Variants in IGF2BP2 observed in about 807,000 individuals in gnomAD.
The protein encoded by IGF2BP2 is insulin-like growth factor 2 mRNA-binding protein 2.
Under a neutral mutation model 75.8 loss-of-function variants are expected in IGF2BP2, and 17 were observed. The observed-to-expected ratio is 0.22, with a 90% CI of 0.15 to 0.34. The LOEUF (loss-of-function observed/expected upper bound fraction) is 0.34. IGF2BP2 is among the 10% of genes least tolerant of loss of function. IGF2BP2 has a pLI of 1.00. For missense variants in IGF2BP2, 516 were observed against 772.4 expected, an observed-to-expected ratio of 0.67 and a Z score of 3.93; for synonymous variants, 288 against 295.6, an observed-to-expected ratio of 0.97 and a Z score of 0.26.
At chr3:185,668,089 C>T (rs1717922340) in intron 10 of IGF2BP2, among the ~76,000 whole-genome samples, 1 of 152,126 alleles carries the variant, frequency 6.6e-6, no homozygotes, top group African/African-American at 2.4e-5. Context: ...ATATAATCCA[C>T]AATATCTTCA....
intron 2 of IGF2BP2, among the ~76,000 whole-genome samples, chr3:185,713,974 T>TA (rs1293223235): frequency 1.3e-5 from 2 of 152,244 alleles, no homozygotes; most frequent in Non-Finnish European, 2.9e-5. Context: ...GTGCTGGGAT[T>TA]ACAGGCGTGA....
chr3:185,678,061 GT>G (rs1719822725), intron 7 of IGF2BP2, among the ~76,000 whole-genome samples: 1 of 152,112 alleles, frequency 6.6e-6, no homozygotes, highest in East Asian at 1.9e-4. Context: ...TGGCTGAAAG[GT>G]TCCCAAATAT....
intron 2 of IGF2BP2, among the ~76,000 whole-genome samples, chr3:185,772,293 G>C (rs537751232): frequency 6.6e-6 from 1 of 152,266 alleles, no homozygotes; most frequent in Admixed American, 6.5e-5. Flanking sequence ...TTTCCCTACT[G>C]TAAGTTTTAT....
At chr3:185,763,443 T>G (rs1732643369) in intron 2 of IGF2BP2, among the ~76,000 whole-genome samples, 1 of 152,232 alleles carries the variant, frequency 6.6e-6, no homozygotes, top group South Asian at 2.1e-4. Context: ...AGCATTATAT[T>G]CATAATGTAA....
At chr3:185,696,432 G>C (rs1722588380) in intron 4 of IGF2BP2, 180 bp downstream of exon 4, 1 of 596,650 alleles carries the variant, frequency 1.7e-6, no homozygotes, top group Non-Finnish European at 2.9e-6. Flanking sequence ...TACATAGAAA[G>C]AGACAGATAT....
At chr3:185,682,868 T>C (rs1720588405) in intron 7 of IGF2BP2, among the ~76,000 whole-genome samples, 1 of 152,070 alleles carries the variant, frequency 6.6e-6, no homozygotes, top group African/African-American at 2.4e-5. Context: ...GCAACTGCTA[T>C]GGGAAAAAGT....
chr3:185,796,466 G>C (rs925433182), intron 2 of IGF2BP2, among the ~76,000 whole-genome samples: 1 of 151,576 alleles, frequency 6.6e-6, no homozygotes, highest in African/African-American at 2.4e-5. Flanking sequence ...AGGGGCCTGA[G>C]GTAGGAGAAT....
Position 185,672,565 on chromosome 3 carries a change from G to C in IGF2BP2, c.1176C>G (p.Pro392=). ...CAGTGAAGGGGTGGTAGGGGGCAGC[G>C]GGGGGAGCTCCGCGGGGCCCTGCTG... ...SPPAGPRGAP[P]AAPYHPFTTH... Residue 392 remains proline, a synonymous_variant, in exon 10 of 16, where the codon CCC becomes CCG. Coordinates refer to ENST00000382199, the MANE Select transcript of IGF2BP2 (RefSeq NM_006548.6). The C allele has an allele frequency of 1.2e-6, 2 of 1,612,084 alleles. No homozygotes were observed. Among genetic ancestry groups the C allele is most frequent in the Non-Finnish European group, 1.7e-6 (2 of 1,178,702 alleles).
Position 185,821,083 on chromosome 3 carries a change from T to G in IGF2BP2, c.239+2070A>C, listed in dbSNP as rs544377237. 2.6e-6 allele frequency: 4 copies of G among 1,535,068 alleles called. No individual in the cohort carries two copies. In the African/African-American group the frequency reaches 5.5e-5, roughly 21 times the overall value. ...ACATACAGCTGCTTCATCCCTGAAG[T>G]CTGATCTCAGTACACAATACCGGTC... On this transcript the variant is annotated intron_variant, in intron 2 of 15. Coordinates refer to ENST00000382199, the MANE Select transcript of IGF2BP2 (RefSeq NM_006548.6).
intron 2 of IGF2BP2, among the ~76,000 whole-genome samples, chr3:185,699,335 A>C (rs1261317341): frequency 6.6e-6 from 1 of 152,160 alleles, no homozygotes; most frequent in East Asian, 1.9e-4. Context: ...CCTGCAACTG[A>C]CCTGACCCCA....
chr3:185,669,756 C>T (rs532758799), intron 10 of IGF2BP2, among the ~76,000 whole-genome samples: 23 of 152,082 alleles, frequency 1.5e-4, no homozygotes, highest in Non-Finnish European at 2.9e-4. Flanking sequence ...TATCTTAGTT[C>T]CTTGAAATTT....
intron 2 of IGF2BP2, among the ~76,000 whole-genome samples, chr3:185,721,089 C>T (rs1216100416): frequency 6.6e-6 from 1 of 152,054 alleles, no homozygotes; most frequent in Non-Finnish European, 1.5e-5. Context: ...GTAAGAAGCC[C>T]CAGGCGTCTT....
intron 10 of IGF2BP2, among the ~76,000 whole-genome samples, chr3:185,661,480 T>C (rs1716424493): frequency 6.6e-6 from 1 of 151,360 alleles, no homozygotes; most frequent in East Asian, 1.9e-4. Flanking sequence ...CTAGCAAAAA[T>C]ACAAAAATTA....
intron 2 of IGF2BP2, among the ~76,000 whole-genome samples, chr3:185,798,379 C>T (rs1418430321): frequency 6.6e-6 from 1 of 152,150 alleles, no homozygotes; most frequent in Admixed American, 6.5e-5. Context: ...TTAGGCTATC[C>T]AGATCTTTCC....
chr3:185,661,973 G>C (rs953479136), intron 10 of IGF2BP2, among the ~76,000 whole-genome samples: 4 of 152,088 alleles, frequency 2.6e-5, no homozygotes, highest in African/African-American at 9.7e-5. Flanking sequence ...TTGGCCTACT[G>C]GAAAACAGAA....
At chr3:185,705,421 C>T (rs1723888634) in intron 2 of IGF2BP2, among the ~76,000 whole-genome samples, 1 of 152,156 alleles carries the variant, frequency 6.6e-6, no homozygotes, top group African/African-American at 2.4e-5. Context: ...GCCAGGAGAA[C>T]TGCAGTTATG....
At chr3:185,652,234 A>G (rs560012632) in intron 12 of IGF2BP2, 66 bp from the exon 13 acceptor site, 243 of 1,370,096 alleles carry the variant, frequency 1.8e-4, no homozygotes, top group Non-Finnish European at 2.1e-4. Flanking sequence ...TTTCTTGTCT[A>G]AGTGGACGGC....
rs1491135346 is a variant in IGF2BP2, at chr3:185,665,547, GAA to G, written c.1200+6992_1200+6993del. On this transcript the variant is annotated intron_variant, in intron 10 of 15. Transcript: ENST00000382199. ...AGGAGGAGGAGAAGGAGGAGGAGGA[GAA>G]GGAGGAGGAGAAGGAGAAGGAGAAG... 1.2e-3 allele frequency among the ~76,000 whole-genome samples: 166 copies of G among 143,590 alleles called. 2 individuals are homozygous for G. Among genetic ancestry groups the G allele is most frequent in the African/African-American group, 4.0e-3 (156 of 39,374 alleles). The allele number at this position is 143,590 out of a possible 152,430, so 94.2% of individuals were successfully genotyped here. A position where few individuals can be genotyped will look rare whatever the true frequency, so the allele number is the denominator to read the frequency against.
At chr3:185,798,144 T>G (rs1737690029) in intron 2 of IGF2BP2, among the ~76,000 whole-genome samples, 1 of 151,968 alleles carries the variant, frequency 6.6e-6, no homozygotes, top group Non-Finnish European at 1.5e-5. Context: ...GATGTTGCAG[T>G]GAGCTGAGAT....
Sources: gnomAD v4.1 joint callset for allele counts (sites outside exome capture counted in the v4.1 genomes callset) on GRCh38, gnomAD v4.1.1 for gene constraint, MANE v1.5 for transcripts, NCBI Gene and HGNC (gene_info 2026-07-23, HGNC 2026-07-21) for gene names.